Variants in LOC128706666 observed in about 807,000 individuals in gnomAD.
chr20:10,418,856 A>G, the LOC128706666 span, among the ~76,000 whole-genome samples: 1 of 152,138 alleles, frequency 6.6e-6, no homozygotes, highest in Admixed American at 6.5e-5. Context: ...ATAAAAATCC[A>G]GCACCTAATA....
the LOC128706666 span, among the ~76,000 whole-genome samples, chr20:10,419,972 G>T: frequency 6.6e-6 from 1 of 152,206 alleles, no homozygotes; most frequent in Non-Finnish European, 1.5e-5. Flanking sequence ...TGTCAGTTAA[G>T]ATCAAGTTTT....
At chr20:10,416,626 A>G in the LOC128706666 span, among the ~76,000 whole-genome samples, 2 of 152,250 alleles carry the variant, frequency 1.3e-5, no homozygotes, top group Non-Finnish European at 2.9e-5. Flanking sequence ...GGGATAAAAC[A>G]TTAATCTTGC....
chr20:10,417,522 G>T, the LOC128706666 span, among the ~76,000 whole-genome samples: 1 of 152,204 alleles, frequency 6.6e-6, no homozygotes, highest in Non-Finnish European at 1.5e-5. Context: ...GAGGCTGGAG[G>T]ATGGCCTGTG....
chr20:10,421,394 G>GC, the LOC128706666 span, among the ~76,000 whole-genome samples: 11 of 142,596 alleles, frequency 7.7e-5, no homozygotes, highest in South Asian at 2.4e-3. Flanking sequence ...ACTGCACTAG[G>GC]CAACAGAATG....
the LOC128706666 span, among the ~76,000 whole-genome samples, chr20:10,414,265 CTT>C: frequency 1.4e-4 from 19 of 132,286 alleles, no homozygotes; most frequent in Admixed American, 1.6e-4. Context: ...GTCTCTGAGT[CTT>C]TTTTTTTTTT....
the LOC128706666 span, among the ~76,000 whole-genome samples, chr20:10,421,702 G>C: frequency 6.6e-6 from 1 of 151,800 alleles, no homozygotes; most frequent in African/African-American, 2.4e-5. Flanking sequence ...TAACTTACAG[G>C]GTTATCGACC....
At chr20:10,419,870 A>G in the LOC128706666 span, among the ~76,000 whole-genome samples, 1 of 152,222 alleles carries the variant, frequency 6.6e-6, no homozygotes, top group Admixed American at 6.5e-5. Context: ...TTTCTATTTA[A>G]TATTTTCAGA....
At chr20:10,423,516 A>G in the LOC128706666 span, among the ~76,000 whole-genome samples, 3 of 152,198 alleles carry the variant, frequency 2.0e-5, no homozygotes, top group South Asian at 6.2e-4. Flanking sequence ...ATTAGGAACA[A>G]ATTAAATGAC....
chr20:10,416,051 A>G, the LOC128706666 span, among the ~76,000 whole-genome samples: 2 of 152,202 alleles, frequency 1.3e-5, no homozygotes, highest in African/African-American at 4.8e-5. Flanking sequence ...GTTCAGCTCT[A>G]TTAAAACTCT....
the LOC128706666 span, among the ~76,000 whole-genome samples, chr20:10,433,101 TCAA>T: frequency 6.6e-6 from 1 of 152,226 alleles, no homozygotes; most frequent in Non-Finnish European, 1.5e-5. Context: ...CCTCCAGGGC[TCAA>T]GCGATTCTCC....
chr20:10,430,586 G>A, the LOC128706666 span, among the ~76,000 whole-genome samples: 1 of 152,194 alleles, frequency 6.6e-6, no homozygotes, highest in Admixed American at 6.5e-5. Flanking sequence ...ACTTCTCTGG[G>A]CAGTTTCAGT....
At chr20:10,427,981 T>TA in the LOC128706666 span, among the ~76,000 whole-genome samples, 3 of 152,248 alleles carry the variant, frequency 2.0e-5, no homozygotes, top group Non-Finnish European at 1.5e-5. Context: ...CAGGTATGCG[T>TA]AAGTATCTTA....
chr20:10,429,024 T>A, the LOC128706666 span, among the ~76,000 whole-genome samples: 1 of 152,122 alleles, frequency 6.6e-6, no homozygotes, highest in Non-Finnish European at 1.5e-5. Flanking sequence ...TATGACTATT[T>A]TTCTCCACTG....
the LOC128706666 span, among the ~76,000 whole-genome samples, chr20:10,426,851 C>T: frequency 3.3e-5 from 5 of 152,086 alleles, no homozygotes; most frequent in African/African-American, 7.2e-5. Flanking sequence ...AAAACACATC[C>T]GTGACCTACT....
At chr20:10,415,839 A>G in the LOC128706666 span, among the ~76,000 whole-genome samples, 6 of 152,030 alleles carry the variant, frequency 3.9e-5, no homozygotes, top group Admixed American at 2.6e-4. Flanking sequence ...ACCAGTACAC[A>G]TATCTTTTGG....
the LOC128706666 span, among the ~76,000 whole-genome samples, chr20:10,425,798 T>C: frequency 6.8e-6 from 1 of 146,894 alleles, no homozygotes; most frequent in African/African-American, 2.6e-5. Flanking sequence ...ACAAGAGAAA[T>C]GAGATTTTTT....
the LOC128706666 span, chr20:10,431,590 A>G: frequency 6.6e-6 from 1 of 152,204 alleles, no homozygotes; most frequent in African/African-American, 2.4e-5. Flanking sequence ...AAAACTGCAT[A>G]AAGTCTTTAC....
chr20:10,429,586 T>C, the LOC128706666 span, among the ~76,000 whole-genome samples: 1 of 152,194 alleles, frequency 6.6e-6, no homozygotes, highest in Non-Finnish European at 1.5e-5. Flanking sequence ...GGATTTCCTG[T>C]TTCGTTAACA....
the LOC128706666 span, among the ~76,000 whole-genome samples, chr20:10,429,482 C>G: frequency 1.3e-5 from 2 of 152,202 alleles, no homozygotes; most frequent in African/African-American, 4.8e-5. Context: ...TAAACTGCTA[C>G]TGTACACCTT....
Sources: gnomAD v4.1 joint callset for allele counts (sites outside exome capture counted in the v4.1 genomes callset) on GRCh38, gnomAD v4.1.1 for gene constraint, MANE v1.5 for transcripts.